Variants in MRC2 observed in about 807,000 individuals in gnomAD.
MRC2 encodes C-type mannose receptor 2.
MRC2 carries 84 observed loss-of-function variants against 206.2 expected under a neutral mutation model. The observed-to-expected ratio is 0.41, with a 90% CI of 0.34 to 0.49. The LOEUF (loss-of-function observed/expected upper bound fraction) is 0.49, where lower values mean the gene tolerates loss of function less well. Among genes scored for constraint, MRC2 ranks in the 20% least tolerant of loss-of-function variants. The pLI is 0.31. For synonymous variants in MRC2, 798 were observed against 800.0 expected (o/e 1.00, Z 0.04); for missense variants, 1,676 against 2,001.5 (o/e 0.84, Z 3.10).
intron 10 of MRC2, 37 bp from the exon 11 acceptor site, chr17:62,676,346 A>C: frequency 6.2e-7 from 1 of 1,610,214 alleles, no homozygotes; most frequent in South Asian, 1.1e-5. Flanking sequence ...ATTGGGAAGC[A>C]GGGAGATCCC....
intron 1 of MRC2, among the ~76,000 whole-genome samples, chr17:62,656,014 C>G (rs755725485): frequency 1.3e-5 from 2 of 152,058 alleles, no homozygotes; most frequent in Non-Finnish European, 2.9e-5. Context: ...CTCAGACTCC[C>G]GAGTAGCTGG....
At position 62,664,772 on chromosome 17, in the gene MRC2, G is replaced by C; in HGVS notation, c.343G>C (p.Glu115Gln). 6.2e-7 allele frequency: 1 copy of C among 1,614,042 alleles called. No homozygotes were observed. The highest frequency in any genetic ancestry group is 8.5e-7 in the Non-Finnish European group (1 of 1,180,044). Residue 115 changes from glutamate (E) to glutamine (Q), a missense_variant, in exon 2 of 30, where the codon GAA becomes CAA. Physicochemically the swap from Glu to Gln is conservative, Grantham distance 29. Transcript: ENST00000303375. The surrounding 1 kb of genome is among the most constrained non-coding windows in gnomAD (Gnocchi z 4.7). The stretch of plus-strand genomic sequence containing the variant: ...CCTGGGCATGTATGAGTGTGACCGG[G>C]AAGCACTGAATCTTCGCTGGCATTG... The part of the protein sequence containing the change: ...ASLGMYECDR[E>Q]ALNLRWHCRT...
intron 13 of MRC2, 125 bp downstream of exon 13, chr17:62,678,771 G>A (rs1033530229): frequency 2.2e-6 from 3 of 1,369,624 alleles, no homozygotes; most frequent in Non-Finnish European, 9.9e-7. Context: ...ACCCCAGGGA[G>A]GCCTGCATCT....
Position 62,678,592 on chromosome 17 carries a change from TG to T in MRC2, c.2143del (p.Ala715ProfsTer34), listed in dbSNP as rs1397155414. ...CQELGAQLLS[L>X]ASYEEEHFVA... ...GAGCTGGGGGCCCAGCTGCTGAGCC[TG>T]GCCAGCTACGAGGAGGAGCACTTTG... is the stretch of plus-strand genomic sequence containing the variant. On this transcript the variant is annotated frameshift_variant, in exon 13 of 30. Coordinates refer to ENST00000303375, the MANE Select transcript of MRC2 (RefSeq NM_006039.5). LOFTEE classifies it high-confidence loss of function. 1 of 1,610,516 alleles carries T rather than the reference TG, an allele frequency of 6.2e-7. No individual in the cohort carries two copies. The highest frequency in any genetic ancestry group is 8.5e-7 in the Non-Finnish European group (1 of 1,179,078).
In MRC2 at chr17:62,690,153, C is replaced by T. The variant is rs2089088214; in HGVS notation, c.3743-3C>T. ...GCCACTTCTTAATCCTGTACCCCCACAGGGCCCCCTCCTCCCCGAAGAATA... is the reference window on the plus strand; with the variant it reads ...GCCACTTCTTAATCCTGTACCCCCATAGGGCCCCCTCCTCCCCGAAGAATA... On this transcript the variant is annotated splice_polypyrimidine_tract_variant and splice_region_variant and intron_variant, in intron 25 of 29. Coordinates refer to ENST00000303375, the MANE Select transcript of MRC2 (RefSeq NM_006039.5). The T allele has an allele frequency of 1.2e-6, 2 of 1,600,492 alleles. No individual in the cohort carries two copies. Among genetic ancestry groups the T allele is most frequent in the African/African-American group, 2.7e-5 (2 of 74,734 alleles).
At chr17:62,690,858 G>A in intron 27 of MRC2, 91 bp from the exon 28 acceptor site, 2 of 1,491,072 alleles carry the variant, frequency 1.3e-6, no homozygotes, top group Middle Eastern at 1.8e-4. Context: ...CTTGTCGGGG[G>A]ACAGGGAGTC....
In MRC2 at chr17:62,675,526, G is replaced by A. The variant is rs57167872; in HGVS notation, c.1570-264G>A. Among the ~76,000 whole-genome samples, 3,720 of 152,276 alleles carry A rather than the reference G, an allele frequency of 0.024. 151 individuals are homozygous for A. The highest frequency in any genetic ancestry group is 0.085 in the African/African-American group (3,529 of 41,516). ...GAAGGGCCATTCATCTTCCCGAGCCGGGTCACTGGCCGGTCGCTGGTGGCC... is the reference window on the plus strand; with the variant it reads ...GAAGGGCCATTCATCTTCCCGAGCCAGGTCACTGGCCGGTCGCTGGTGGCC... On this transcript the variant is annotated intron_variant, in intron 9 of 29. Coordinates refer to ENST00000303375, the MANE Select transcript of MRC2 (RefSeq NM_006039.5). This position sits in a 1 kb window ranked among gnomAD's most constrained non-coding sequence, Gnocchi z 4.1.
At chr17:62,634,397 T>A (rs1159937332) in intron 1 of MRC2, among the ~76,000 whole-genome samples, 1 of 151,908 alleles carries the variant, frequency 6.6e-6, no homozygotes, top group Non-Finnish European at 1.5e-5. Flanking sequence ...GCCTCCCAGG[T>A]TCAAGCAATT....
rs371625147 is a variant in MRC2 at position 62,639,670 on chromosome 17, G to C, written c.118+11750G>C. ...GACTGGGTCTCACTCTGTTGCCCGGGCTGGAGTGCAGTGGCACAATCATAG... is the reference window on the plus strand; with the variant it reads ...GACTGGGTCTCACTCTGTTGCCCGGCCTGGAGTGCAGTGGCACAATCATAG... On this transcript the variant is annotated intron_variant, in intron 1 of 29. Transcript: ENST00000303375. Among the ~76,000 whole-genome samples, 549 of 152,258 alleles carry C rather than the reference G, an allele frequency of 3.6e-3. 6 individuals are homozygous for C. Among genetic ancestry groups the C allele is most frequent in the African/African-American group, 0.013 (533 of 41,558 alleles).
chr17:62,640,272 C>T (rs753141216), intron 1 of MRC2, among the ~76,000 whole-genome samples: 4 of 151,980 alleles, frequency 2.6e-5, no homozygotes, highest in African/African-American at 7.3e-5. Context: ...TTCATCTGTC[C>T]GTTTATTCAT....
At chr17:62,690,504 G>GCACA in intron 26 of MRC2, 138 bp from the exon 27 acceptor site, 6 of 1,384,672 alleles carry the variant, frequency 4.3e-6, no homozygotes, top group Non-Finnish European at 5.9e-6. Context: ...TTGCACATGT[G>GCACA]CACACACACA....
intron 6 of MRC2, among the ~76,000 whole-genome samples, chr17:62,669,958 CTGGAGGGAGCCT>C (rs2088807226): frequency 6.6e-6 from 1 of 152,198 alleles, no homozygotes; most frequent in Admixed American, 6.5e-5. Flanking sequence ...CCACCTCTAG[CTGGAGGGAGCCT>C]TGGGCCCTAG....
rs1299648749 is a variant in MRC2, at chr17:62,680,926, C to T, written c.2600C>T (p.Ala867Val). ...GAGCTGACCTCGGTGCACAGCCAGG[C>T]GGAGCTAGACTTCCTGAGCCACAAC... Reference protein sequence around the residue: ...QAELTSVHSQAELDFLSHNLQ... With the variant: ...QAELTSVHSQVELDFLSHNLQ... The change falls in exon 17 of 30, where the codon GCG (alanine) becomes GTG (valine). Residue 867 changes from alanine (A) to valine (V), a missense_variant. By Grantham distance (64) the Ala-to-Val change is moderately conservative. Around this residue, in one of 3 missense-constraint regions of MRC2, gnomAD observed 1,354 missense variants for 1,636.6 expected, o/e 0.83. Transcript: ENST00000303375. This position sits in a 1 kb window ranked among gnomAD's most constrained non-coding sequence, Gnocchi z 4.8. 3.1e-6 allele frequency: 5 copies of T among 1,612,998 alleles called. No homozygotes were observed. The East Asian group carries it at 8.9e-5, about 29-fold the overall frequency.
chr17:62,680,888 G>T lies in MRC2; in HGVS notation c.2562G>T (p.Thr854=). Residue 854 remains threonine, a synonymous_variant, in exon 17 of 30, where the codon ACG becomes ACT. Coordinates refer to ENST00000303375, the MANE Select transcript of MRC2 (RefSeq NM_006039.5). The surrounding 1 kb of genome is among the most constrained non-coding windows in gnomAD (Gnocchi z 4.8). ...GGGCGCAGGCGCAGCGCATCTGCAC[G>T]TGGTTCCAGGCCGAGCTGACCTCGG... is the stretch of plus-strand genomic sequence containing the variant. ...STWAQAQRIC[T]WFQAELTSVH... 1 of 1,613,174 alleles carries T rather than the reference G, an allele frequency of 6.2e-7. No homozygotes were observed. Among genetic ancestry groups the T allele is most frequent in the Non-Finnish European group, 8.5e-7 (1 of 1,179,930 alleles).
chr17:62,652,238 A>T lies in MRC2; in HGVS notation c.119-12310A>T, dbSNP rs1228301065. Among the ~76,000 whole-genome samples the T allele has an allele frequency of 6.6e-6, 1 of 152,242 alleles. No homozygotes were observed. Among genetic ancestry groups the T allele is most frequent in the African/African-American group, 2.4e-5 (1 of 41,460 alleles). On this transcript the variant is annotated intron_variant, in intron 1 of 29. Coordinates refer to ENST00000303375, the MANE Select transcript of MRC2 (RefSeq NM_006039.5). The surrounding 1 kb of genome is among the most constrained non-coding windows in gnomAD (Gnocchi z 4.6). ...TCACTCACTGGTTCGTCCTCAATCAACCAGGCGTGGAGTCCTAACCTGTCC... is the reference window on the plus strand; with the variant it reads ...TCACTCACTGGTTCGTCCTCAATCATCCAGGCGTGGAGTCCTAACCTGTCC...
rs370235388 is a variant in MRC2, at chr17:62,666,170, C to T, written c.597C>T (p.His199=). The change falls in exon 3 of 30, where the codon CAC becomes CAT. Residue 199 remains histidine (H), a synonymous_variant. Coordinates refer to ENST00000303375, the MANE Select transcript of MRC2 (RefSeq NM_006039.5). This position sits in a 1 kb window ranked among gnomAD's most constrained non-coding sequence, Gnocchi z 5.0. ...IPFKYDNQWF[H]GCTSTGREDG... ...TCAAATATGACAACCAGTGGTTCCA[C>T]GGCTGCACCAGCACGGGCCGCGAGG... 5.6e-6 allele frequency: 9 copies of T among 1,601,646 alleles called. No homozygotes were observed. The highest frequency in any genetic ancestry group is 2.2e-5 in the East Asian group (1 of 44,450).
At chr17:62,669,561 G>A (rs61683020) in intron 6 of MRC2, among the ~76,000 whole-genome samples, 1,565 of 150,504 alleles carry the variant, frequency 0.01, 25 homozygotes, top group African/African-American at 0.035. Flanking sequence ...ACAGAGTCTC[G>A]CTCTGTCGCC....
At chr17:62,643,340 A>G (rs921074727) in intron 1 of MRC2, among the ~76,000 whole-genome samples, 2 of 138,090 alleles carry the variant, frequency 1.4e-5, no homozygotes, top group Non-Finnish European at 3.1e-5. Flanking sequence ...AAAAAAAAAA[A>G]AAAAAAAGAA....
chr17:62,643,344 A>G (rs1028787829), intron 1 of MRC2, among the ~76,000 whole-genome samples: 1 of 149,826 alleles, frequency 6.7e-6, no homozygotes, highest in Non-Finnish European at 1.5e-5. Context: ...AAAAAAAAAA[A>G]AAAGAAAAAG....
Sources: gnomAD v4.1 joint callset for allele counts (sites outside exome capture counted in the v4.1 genomes callset) on GRCh38, gnomAD v4.1.1 for gene constraint, gnomAD v4.1.1 regional missense constraint, Gnocchi (gnomAD v3.1) non-coding constraint, MANE v1.5 for transcripts, NCBI Gene and HGNC (gene_info 2026-07-23, HGNC 2026-07-21) for gene names.